MYRIP: variants seen among roughly 807,000 people sequenced by gnomAD.
MYRIP encodes the protein rab effector MyRIP.
In MYRIP, 49 loss-of-function variants were observed where a neutral mutation model predicts 98.0. The observed-to-expected ratio is 0.50, with a 90% CI of 0.40 to 0.63. The LOEUF (loss-of-function observed/expected upper bound fraction) is 0.63. MYRIP is among the 30% of genes least tolerant of loss of function. The probability of loss-of-function intolerance (pLI) is 0.00; values close to 1 mark genes in which losing one functional copy is unlikely to be tolerated. For missense variants in MYRIP, 1,004 were observed against 1,058.2 expected (o/e 0.95, Z 0.71); for synonymous variants, 404 against 409.5 (o/e 0.99, Z 0.16).
chr3:40,183,610 T>C (rs1464687266), intron 9 of MYRIP, among the ~76,000 whole-genome samples: 1 of 152,210 alleles, frequency 6.6e-6, no homozygotes. Flanking sequence ...TCTACATGAA[T>C]GTCAGACTAA....
intron 2 of MYRIP, among the ~76,000 whole-genome samples, chr3:39,971,036 G>A (rs971970582): frequency 6.6e-6 from 1 of 152,022 alleles, no homozygotes; most frequent in Non-Finnish European, 1.5e-5. Flanking sequence ...ACTCTGAATT[G>A]CACTTTATAT....
intron 2 of MYRIP, among the ~76,000 whole-genome samples, chr3:40,027,730 A>C (rs945665719): frequency 6.6e-6 from 1 of 152,104 alleles, no homozygotes; most frequent in African/African-American, 2.4e-5. Context: ...TTTTTAAAAA[A>C]AATCCTTAGC....
intron 1 of MYRIP, among the ~76,000 whole-genome samples, chr3:39,886,587 A>G (rs1394961983): frequency 6.6e-6 from 1 of 151,940 alleles, no homozygotes; most frequent in African/African-American, 2.4e-5. Context: ...CAAAAGAGAC[A>G]AAAAAGGCCA....
chr3:40,159,934 G>C (rs1055521899), intron 4 of MYRIP, among the ~76,000 whole-genome samples: 9 of 152,082 alleles, frequency 5.9e-5, no homozygotes, highest in African/African-American at 1.7e-4. Flanking sequence ...TTTGCCTTTG[G>C]TTTGAATGTC....
At position 40,252,765 on chromosome 3, in the gene MYRIP, C is replaced by T. The variant is rs147462715; in HGVS notation, c.2547+766C>T. ...GATAGCTGGTTGTCCAAGATAGAAT[C>T]TTAGTTCAGCTTTAAACTTACCCAC... On this transcript the variant is annotated intron_variant, in intron 16 of 16. Transcript: ENST00000302541. 1.9e-4 allele frequency among the ~76,000 whole-genome samples: 29 copies of T among 152,300 alleles called. No homozygotes were observed. In the East Asian group the frequency reaches 5.6e-3, roughly 29 times the overall value.
At chr3:40,189,197 G>A (rs567188652) in intron 9 of MYRIP, among the ~76,000 whole-genome samples, 2 of 152,274 alleles carry the variant, frequency 1.3e-5, no homozygotes, top group Admixed American at 6.5e-5. Flanking sequence ...ACTTAACTTC[G>A]CTCATCTTCA....
intron 3 of MYRIP, among the ~76,000 whole-genome samples, chr3:40,074,938 A>T (rs9839506): frequency 6.6e-6 from 1 of 152,012 alleles, no homozygotes; most frequent in Non-Finnish European, 1.5e-5. Flanking sequence ...AAATTCAAAG[A>T]GCTAGTTTCC....
At chr3:39,860,255 A>T (rs760033266) in intron 1 of MYRIP, among the ~76,000 whole-genome samples, 1 of 152,172 alleles carries the variant, frequency 6.6e-6, no homozygotes, top group Non-Finnish European at 1.5e-5. Flanking sequence ...AGACCTCTGG[A>T]ATCCTGGCAG....
At chr3:39,987,115 C>T (rs1200556782) in intron 2 of MYRIP, among the ~76,000 whole-genome samples, 3 of 151,892 alleles carry the variant, frequency 2.0e-5, no homozygotes, top group Middle Eastern at 3.2e-3. Context: ...GGTTTTAAGC[C>T]CTGCATGCAT....
At chr3:40,202,127 G>T (rs1951583624) in intron 10 of MYRIP, among the ~76,000 whole-genome samples, 1 of 150,340 alleles carries the variant, frequency 6.7e-6, no homozygotes, top group East Asian at 2.0e-4. Flanking sequence ...CAGAAACTTT[G>T]TTTTTTAGGT....
At chr3:40,034,050 A>G (rs1217496757) in intron 2 of MYRIP, among the ~76,000 whole-genome samples, 3 of 152,282 alleles carry the variant, frequency 2.0e-5, no homozygotes, top group East Asian at 3.9e-4. Context: ...TCCTTTCCTT[A>G]CACCTTATAC....
At chr3:39,848,119 G>A (rs950700321) in intron 1 of MYRIP, among the ~76,000 whole-genome samples, 1 of 152,224 alleles carries the variant, frequency 6.6e-6, no homozygotes, top group Non-Finnish European at 1.5e-5. Context: ...ACGCCAGACT[G>A]TGAGTCCCAG....
intron 2 of MYRIP, among the ~76,000 whole-genome samples, chr3:40,022,420 A>G (rs1182915982): frequency 1.3e-5 from 2 of 152,208 alleles, no homozygotes; most frequent in African/African-American, 4.8e-5. Context: ...ATTTGTCAGT[A>G]AGGCAGGGAG....
intron 3 of MYRIP, among the ~76,000 whole-genome samples, chr3:40,135,508 A>G (rs2125922404): frequency 6.6e-6 from 1 of 152,338 alleles, no homozygotes; most frequent in Non-Finnish European, 1.5e-5. Context: ...GCAGGCCAAC[A>G]TTCAAATTCA....
At chr3:39,834,166 A>C (rs1383169373) in intron 1 of MYRIP, among the ~76,000 whole-genome samples, 1 of 152,194 alleles carries the variant, frequency 6.6e-6, no homozygotes, top group Non-Finnish European at 1.5e-5. Flanking sequence ...GGGCCACTTT[A>C]TTTAAGATGA....
At chr3:39,892,604 A>G (rs575909582) in intron 1 of MYRIP, among the ~76,000 whole-genome samples, 101 of 152,282 alleles carry the variant, frequency 6.6e-4, no homozygotes, top group African/African-American at 2.3e-3. Flanking sequence ...ATTTTTTTCT[A>G]TTAAGTTAAA....
chr3:40,154,296 C>T (rs1414990887), intron 4 of MYRIP, among the ~76,000 whole-genome samples: 3 of 152,062 alleles, frequency 2.0e-5, no homozygotes, highest in African/African-American at 7.2e-5. Flanking sequence ...CCAGATTAGG[C>T]CTAAAAGAAA....
chr3:40,251,917 A>C lies in MYRIP; in HGVS notation c.2465A>C (p.Lys822Thr). Residue 822 changes from lysine (K) to threonine (T), a missense_variant, in exon 16 of 17, where the codon AAA becomes ACA. By Grantham distance (78) the Lys-to-Thr change is moderately conservative. Around this residue, in one of 3 missense-constraint regions of MYRIP, gnomAD observed 108 missense variants for 111.1 expected, o/e 0.97. Transcript: ENST00000302541. ...GAGACATCTTCAGTGACTACCATTA[A>C]AACATTTAACCACAACTTCATTCTC... Reference protein sequence around the residue: ...KIETSSVTTIKTFNHNFILQG... With the variant: ...KIETSSVTTITTFNHNFILQG... 6.2e-7 allele frequency: 1 copy of C among 1,613,766 alleles called. No homozygotes were observed. Among genetic ancestry groups the C allele is most frequent in the Non-Finnish European group, 8.5e-7 (1 of 1,179,736 alleles).
intron 13 of MYRIP, among the ~76,000 whole-genome samples, chr3:40,245,883 A>T (rs1253347552): frequency 6.8e-6 from 1 of 146,058 alleles, no homozygotes; most frequent in Admixed American, 6.8e-5. Context: ...AGTAGCTGGG[A>T]TTACAAGTGC....
Sources: gnomAD v4.1 joint callset for allele counts (sites outside exome capture counted in the v4.1 genomes callset) on GRCh38, gnomAD v4.1.1 for gene constraint, gnomAD v4.1.1 regional missense constraint, MANE v1.5 for transcripts, NCBI Gene and HGNC (gene_info 2026-07-23, HGNC 2026-07-21) for gene names.